The following FGGY variants were observed in gnomAD, a reference collection of about 807,000 sequenced individuals.
FGGY encodes FGGY carbohydrate kinase domain-containing protein.
FGGY carries 72 observed loss-of-function variants against 71.3 expected under a neutral mutation model. The observed-to-expected ratio is 1.01, with a 90% CI of 0.84 to 1.23. FGGY has a LOEUF of 1.23. Among genes scored for constraint, FGGY ranks in the 50% most tolerant of loss-of-function variants. The probability of loss-of-function intolerance (pLI) is 0.00; values close to 1 mark genes in which losing one functional copy is unlikely to be tolerated. For missense variants in FGGY, 668 were observed against 682.3 expected (o/e 0.98, Z 0.23); for synonymous variants, 251 against 250.3 (o/e 1.00, Z -0.02).
At position 59,482,173 on chromosome 1, in the gene FGGY, A is replaced by G. The variant is rs188670040; in HGVS notation, c.670+25097A>G. ...TATAGGGGTACAGACTAAGGGTTATATATCTCCAAACAAATGTGTTTGTCA... is the reference window on the plus strand; with the variant it reads ...TATAGGGGTACAGACTAAGGGTTATGTATCTCCAAACAAATGTGTTTGTCA... On this transcript the variant is annotated intron_variant, in intron 6 of 15. Transcript: ENST00000303721. 3.3e-5 allele frequency among the ~76,000 whole-genome samples: 5 copies of G among 152,310 alleles called. No homozygotes were observed. In the East Asian group the frequency reaches 5.8e-4, roughly 18 times the overall value.
At chr1:59,379,944 C>T (rs553923022) in intron 5 of FGGY, among the ~76,000 whole-genome samples, 5 of 152,138 alleles carry the variant, frequency 3.3e-5, no homozygotes, top group Admixed American at 2.0e-4. Flanking sequence ...TGCTATCCCC[C>T]GCCTCCCCAC....
intron 4 of FGGY, among the ~76,000 whole-genome samples, chr1:59,346,854 C>T (rs1404156084): frequency 6.6e-6 from 1 of 151,358 alleles, no homozygotes; most frequent in Non-Finnish European, 1.5e-5. Context: ...CTATTTTGGC[C>T]AGGCTGATTT....
At position 59,433,433 on chromosome 1, in the gene FGGY, A is replaced by G. The variant is rs117222013; in HGVS notation, c.555-23528A>G. 3.2e-3 allele frequency among the ~76,000 whole-genome samples: 481 copies of G among 152,268 alleles called. 10 individuals are homozygous for G. The East Asian group carries it at 0.047, about 15-fold the overall frequency. ...TCTCAAAGATGATGATGTATTTTCC[A>G]GGCCTCATGTGTCTGGAGCACAGGT... On this transcript the variant is annotated intron_variant, in intron 5 of 15. Coordinates refer to ENST00000303721, the MANE Select transcript of FGGY (RefSeq NM_018291.5).
intron 8 of FGGY, among the ~76,000 whole-genome samples, chr1:59,573,220 G>A (rs2096016604): frequency 6.6e-6 from 1 of 152,162 alleles, no homozygotes. Flanking sequence ...AAGTTTTATT[G>A]TAAAGGACAT....
At chr1:59,306,157 G>T (rs532489532) in intron 1 of FGGY, among the ~76,000 whole-genome samples, 1 of 152,240 alleles carries the variant, frequency 6.6e-6, no homozygotes, top group East Asian at 1.9e-4. Context: ...TTTAAGCAGG[G>T]AGGTAAATAT....
chr1:59,556,245 C>G (rs1407985384), intron 8 of FGGY, among the ~76,000 whole-genome samples: 2 of 152,208 alleles, frequency 1.3e-5, no homozygotes, highest in Non-Finnish European at 2.9e-5. Context: ...TCTAATCAGG[C>G]TTCTCCTGGG....
intron 11 of FGGY, among the ~76,000 whole-genome samples, chr1:59,648,525 T>C (rs1269178684): frequency 1.8e-4 from 25 of 139,752 alleles, no homozygotes; most frequent in African/African-American, 6.5e-4. Flanking sequence ...TTTCATGTGT[T>C]TTTTGGCTGC....
chr1:59,682,398 C>T (rs2097508976), intron 14 of FGGY, among the ~76,000 whole-genome samples: 1 of 152,194 alleles, frequency 6.6e-6, no homozygotes, highest in Non-Finnish European at 1.5e-5. Context: ...AAACAGAGGG[C>T]ACCCTCAAAT....
intron 8 of FGGY, among the ~76,000 whole-genome samples, chr1:59,585,236 AG>A (rs1324445750): frequency 6.6e-6 from 1 of 152,206 alleles, no homozygotes; most frequent in African/African-American, 2.4e-5. Flanking sequence ...AAAAGAACAA[AG>A]CTAGAGGCAT....
chr1:59,429,930 A>G (rs2067039491), intron 5 of FGGY, among the ~76,000 whole-genome samples: 1 of 152,276 alleles, frequency 6.6e-6, no homozygotes, highest in African/African-American at 2.4e-5. Context: ...CCTTGCTTCA[A>G]TTGTGTCCAA....
At chr1:59,560,161 TTGTCTC>T (rs2095763572) in intron 8 of FGGY, among the ~76,000 whole-genome samples, 1 of 152,220 alleles carries the variant, frequency 6.6e-6, no homozygotes, top group African/African-American at 2.4e-5. Flanking sequence ...AAATGACACT[TTGTCTC>T]TGTTGTGTTC....
At chr1:59,412,795 T>C (rs1485547398) in intron 5 of FGGY, among the ~76,000 whole-genome samples, 1 of 152,180 alleles carries the variant, frequency 6.6e-6, no homozygotes, top group Non-Finnish European at 1.5e-5. Flanking sequence ...TATAAGTGCT[T>C]TTAAGAAAAT....
intron 6 of FGGY, among the ~76,000 whole-genome samples, chr1:59,475,482 GC>G (rs1281127499): frequency 6.6e-6 from 1 of 152,182 alleles, no homozygotes; most frequent in Non-Finnish European, 1.5e-5. Context: ...GCACTATTGT[GC>G]TTTTTTCTTC....
At chr1:59,630,179 G>A (rs2153863780) in intron 10 of FGGY, among the ~76,000 whole-genome samples, 1 of 152,160 alleles carries the variant, frequency 6.6e-6, no homozygotes, top group South Asian at 2.1e-4. Context: ...AACAGCATGA[G>A]GGTAACCACA....
chr1:59,303,551 T>C (rs1172120075), intron 1 of FGGY, among the ~76,000 whole-genome samples: 1 of 152,182 alleles, frequency 6.6e-6, no homozygotes, highest in Non-Finnish European at 1.5e-5. Flanking sequence ...TGAGTAATGC[T>C]GCAATGAACA....
intron 5 of FGGY, among the ~76,000 whole-genome samples, chr1:59,438,978 A>G (rs1342622047): frequency 6.6e-6 from 1 of 152,126 alleles, no homozygotes; most frequent in Non-Finnish European, 1.5e-5. Context: ...AATATTTACT[A>G]TCTCATGAAT....
intron 9 of FGGY, among the ~76,000 whole-genome samples, chr1:59,612,535 CA>C (rs1175091459): frequency 6.6e-6 from 1 of 152,116 alleles, no homozygotes; most frequent in Non-Finnish European, 1.5e-5. Flanking sequence ...CCAGCCACTG[CA>C]AAAACATGCC....
At chr1:59,384,778 C>T (rs1336300461) in intron 5 of FGGY, among the ~76,000 whole-genome samples, 1 of 152,074 alleles carries the variant, frequency 6.6e-6, no homozygotes, top group Non-Finnish European at 1.5e-5. Context: ...CTGGGTAAAA[C>T]CTCTGTTTTT....
At chr1:59,535,505 C>A (rs1005618733) in intron 7 of FGGY, among the ~76,000 whole-genome samples, 1 of 152,126 alleles carries the variant, frequency 6.6e-6, no homozygotes, top group Non-Finnish European at 1.5e-5. Context: ...ACAGAACTCT[C>A]CACCCCAAAT....
Sources: allele counts gnomAD v4.1 joint callset (sites outside exome capture counted in the v4.1 genomes callset), GRCh38; gene constraint gnomAD v4.1.1; transcripts MANE v1.5; gene names NCBI Gene and HGNC (gene_info 2026-07-23, HGNC 2026-07-21).